Variants in FAM107B observed in about 807,000 individuals in gnomAD.
FAM107B encodes the protein protein FAM107B.
FAM107B carries 21 observed loss-of-function variants against 31.5 expected under a neutral mutation model. That is an observed-to-expected ratio of 0.67 (90% CI 0.47 to 0.96). FAM107B has a LOEUF of 0.96. Among genes scored for constraint, FAM107B ranks in the 40% least tolerant of loss-of-function variants. The pLI, the probability that FAM107B is intolerant of heterozygous loss-of-function variation, is 0.00. For missense variants in FAM107B, 452 were observed against 377.1 expected (o/e 1.20, Z -1.64); for synonymous variants, 157 against 141.5 (o/e 1.11, Z -0.78).
intron 1 of FAM107B, among the ~76,000 whole-genome samples, chr10:14,703,022 T>C (rs1427164196): frequency 6.6e-6 from 1 of 150,800 alleles, no homozygotes; most frequent in Non-Finnish European, 1.5e-5. Flanking sequence ...TACAAGTTAA[T>C]CTCTATTCCC....
chr10:14,545,034 G>A (rs556601652), intron 2 of FAM107B, among the ~76,000 whole-genome samples: 2 of 152,160 alleles, frequency 1.3e-5, no homozygotes, highest in Non-Finnish European at 2.9e-5. Flanking sequence ...GTCAGTCTCT[G>A]GGGGGTGGGC....
intron 2 of FAM107B, among the ~76,000 whole-genome samples, chr10:14,567,251 C>T (rs146793017): frequency 6.6e-6 from 1 of 152,250 alleles, no homozygotes; most frequent in African/African-American, 2.4e-5. Flanking sequence ...ATTCCTCTTT[C>T]ACTATAAACA....
intron 1 of FAM107B, among the ~76,000 whole-genome samples, chr10:14,749,937 CT>C (rs1274076500): frequency 6.6e-6 from 1 of 152,176 alleles, no homozygotes; most frequent in Non-Finnish European, 1.5e-5. Flanking sequence ...CTAATCCCAC[CT>C]GGGAACGCCA....
intron 1 of FAM107B, among the ~76,000 whole-genome samples, chr10:14,724,670 C>G (rs1855988104): frequency 1.3e-5 from 2 of 151,840 alleles, no homozygotes; most frequent in African/African-American, 4.8e-5. Flanking sequence ...GAAGCTTAGA[C>G]CAGAACCATC....
At chr10:14,749,717 C>T (rs1832790878) in intron 1 of FAM107B, among the ~76,000 whole-genome samples, 1 of 152,148 alleles carries the variant, frequency 6.6e-6, no homozygotes, top group Admixed American at 6.5e-5. Flanking sequence ...CTCTTCCATC[C>T]CAGGGAGCAG....
chr10:14,529,319 G>T (rs1846678900), intron 3 of FAM107B, among the ~76,000 whole-genome samples: 2 of 152,130 alleles, frequency 1.3e-5, no homozygotes, highest in Non-Finnish European at 2.9e-5. Context: ...ATATGCTGGG[G>T]ATAAAACAGG....
rs919614802 is a variant in FAM107B, at chr10:14,735,305, C to T, written c.411+38948G>A. On this transcript the variant is annotated intron_variant, in intron 1 of 4. Transcript: ENST00000181796. ...GATTTTTTGCAATTTTTTTTTTTAGCCCATCAGCTATCATTCATGTTAGTG... is the reference window on the plus strand; with the variant it reads ...GATTTTTTGCAATTTTTTTTTTTAGTCCATCAGCTATCATTCATGTTAGTG... Among the ~76,000 whole-genome samples, 85 of 151,020 alleles carry T rather than the reference C, an allele frequency of 5.6e-4. 1 individual carries two copies. The highest frequency in any genetic ancestry group is 5.6e-3 in the Admixed American group (85 of 15,134).
rs534851125 is a variant in FAM107B at position 14,587,061 on chromosome 10, C to T, written c.470-56546G>A. 7.2e-5 allele frequency among the ~76,000 whole-genome samples: 11 copies of T among 152,234 alleles called. No individual in the cohort carries two copies. The South Asian group carries it at 2.3e-3, about 32-fold the overall frequency. ...ACATCACAACACCACCTTGGGGGAG[C>T]AGACACTAACCTCTGTTCACACCTG... On this transcript the variant is annotated intron_variant, in intron 2 of 4. Coordinates refer to ENST00000181796, the MANE Select transcript of FAM107B (RefSeq NM_031453.4).
chr10:14,701,133 C>T (rs747494070), intron 1 of FAM107B, among the ~76,000 whole-genome samples: 8 of 152,192 alleles, frequency 5.3e-5, no homozygotes, highest in Non-Finnish European at 1.0e-4. Context: ...TGTTCTCTGA[C>T]ATTGACAGGG....
At chr10:14,716,270 G>C (rs1237229511) in intron 1 of FAM107B, among the ~76,000 whole-genome samples, 1 of 152,216 alleles carries the variant, frequency 6.6e-6, no homozygotes, top group East Asian at 1.9e-4. Flanking sequence ...CCTATCCTGA[G>C]GTTGTGGCCA....
chr10:14,699,992 G>A (rs1855357133), intron 1 of FAM107B, among the ~76,000 whole-genome samples: 2 of 152,086 alleles, frequency 1.3e-5, no homozygotes, highest in African/African-American at 4.8e-5. Context: ...GAATGCAGTG[G>A]CGCAATCTCA....
intron 2 of FAM107B, among the ~76,000 whole-genome samples, chr10:14,535,885 C>T (rs977153609): frequency 1.3e-5 from 2 of 152,244 alleles, no homozygotes; most frequent in Admixed American, 6.5e-5. Flanking sequence ...ACTGGGAAAT[C>T]CCATGCTTAC....
At chr10:14,760,660 A>C (rs374886856) in intron 1 of FAM107B, among the ~76,000 whole-genome samples, 2 of 152,006 alleles carry the variant, frequency 1.3e-5, no homozygotes, top group Non-Finnish European at 2.9e-5. Flanking sequence ...TATGCAGAGA[A>C]CTCAATATCT....
chr10:14,719,524 C>A (rs184638820), intron 1 of FAM107B, among the ~76,000 whole-genome samples: 3 of 152,296 alleles, frequency 2.0e-5, no homozygotes, highest in Admixed American at 2.0e-4. Context: ...CCAGGGAACA[C>A]ACGCCGGTCA....
intron 2 of FAM107B, chr10:14,548,551 TCTC>T (rs1564552626): frequency 8.1e-6 from 8 of 985,174 alleles, no homozygotes; most frequent in African/African-American, 1.8e-5. Context: ...CCTGGGCTCT[TCTC>T]CTAGCCCTGC....
At chr10:14,633,903 A>G (rs1281648209) in intron 2 of FAM107B, among the ~76,000 whole-genome samples, 1 of 152,134 alleles carries the variant, frequency 6.6e-6, no homozygotes, top group African/African-American at 2.4e-5. Flanking sequence ...CACTTTGTGG[A>G]GCATAAATAG....
At chr10:14,591,651 G>A (rs1451411092) in intron 2 of FAM107B, among the ~76,000 whole-genome samples, 1 of 152,176 alleles carries the variant, frequency 6.6e-6, no homozygotes, top group Non-Finnish European at 1.5e-5. Flanking sequence ...GGAAATGAAA[G>A]GGTCAAGCTG....
intron 2 of FAM107B, among the ~76,000 whole-genome samples, chr10:14,667,302 T>C (rs1854427180): frequency 6.6e-6 from 1 of 152,206 alleles, no homozygotes; most frequent in African/African-American, 2.4e-5. Context: ...TCATAAATAT[T>C]TCAGTAAATA....
chr10:14,572,020 T>C (rs1219667092), intron 2 of FAM107B: 1 of 985,248 alleles, frequency 1.0e-6, no homozygotes, highest in Non-Finnish European at 1.2e-6. Flanking sequence ...CTTAGAGCGG[T>C]GAAGAAAAGC....
Sources: allele counts gnomAD v4.1 joint callset (sites outside exome capture counted in the v4.1 genomes callset), GRCh38; gene constraint gnomAD v4.1.1; transcripts MANE v1.5; gene names NCBI Gene and HGNC (gene_info 2026-07-23, HGNC 2026-07-21).